The following GRIK1 variants were observed in gnomAD, a reference collection of about 807,000 sequenced individuals.
GRIK1 encodes glutamate receptor ionotropic, kainate 1.
In GRIK1, 69 loss-of-function variants were observed where a neutral mutation model predicts 105.7. The ratio of observed to expected loss-of-function variants is 0.65; its 90% confidence interval spans 0.54 to 0.80. The LOEUF (loss-of-function observed/expected upper bound fraction) is 0.80, where lower values mean the gene tolerates loss of function less well. Ranked by LOEUF, GRIK1 falls within the 30% of genes least tolerant of loss-of-function variation. The probability of loss-of-function intolerance (pLI) is 0.00; values close to 1 mark genes in which losing one functional copy is unlikely to be tolerated. For missense variants in GRIK1, 1,109 were observed against 1,167.3 expected (o/e 0.95, Z 0.73); for synonymous variants, 438 against 431.3 (o/e 1.02, Z -0.19).
intron 9 of GRIK1, 187 bp downstream of exon 9, chr21:29,596,339 C>A (rs1393719772): frequency 2.8e-6 from 2 of 713,836 alleles, no homozygotes; most frequent in Admixed American, 2.0e-5. Flanking sequence ...AACCTGTTTT[C>A]AATTCACAGG....
chr21:29,562,843 G>A (rs2090516109), intron 14 of GRIK1, among the ~76,000 whole-genome samples: 1 of 150,272 alleles, frequency 6.7e-6, no homozygotes, highest in Non-Finnish European at 1.5e-5. Context: ...TATATGTTAT[G>A]TAATATATGC....
intron 1 of GRIK1, among the ~76,000 whole-genome samples, chr21:29,907,538 G>C (rs1195575716): frequency 6.6e-6 from 1 of 152,058 alleles, no homozygotes; most frequent in Non-Finnish European, 1.5e-5. Context: ...ATATTGTAAA[G>C]AGAAATGATT....
chr21:29,855,548 C>T (rs2068437897), intron 1 of GRIK1, among the ~76,000 whole-genome samples: 1 of 152,168 alleles, frequency 6.6e-6, no homozygotes, highest in African/African-American at 2.4e-5. Flanking sequence ...TAGGCAGAAG[C>T]CAGGTGGGCC....
In GRIK1 at chr21:29,598,123, G is replaced by A. The variant is rs761403589; in HGVS notation, c.1206+707C>T. On this transcript the variant is annotated intron_variant, in intron 8 of 17. Transcript: ENST00000327783. Reference sequence around the variant, plus strand: ...TCAAACTGTAAGTGTTAATTCTGACGTATAGTCATGAATATTAAAATTGGC... The same window carrying A: ...TCAAACTGTAAGTGTTAATTCTGACATATAGTCATGAATATTAAAATTGGC... 5.3e-5 allele frequency among the ~76,000 whole-genome samples: 8 copies of A among 152,128 alleles called. No individual in the cohort carries two copies. In the East Asian group the frequency reaches 5.8e-4, roughly 11 times the overall value.
chr21:29,673,285 TAC>T, intron 3 of GRIK1, 121 bp from the exon 4 acceptor site: 1 of 591,982 alleles, frequency 1.7e-6, no homozygotes, highest in East Asian at 2.9e-5. Context: ...TCCTAAAGGT[TAC>T]ACTCCTGACT....
chr21:29,904,999 A>T (rs2070557785), intron 1 of GRIK1, among the ~76,000 whole-genome samples: 1 of 152,192 alleles, frequency 6.6e-6, no homozygotes, highest in South Asian at 2.1e-4. Context: ...TTATCAGGCC[A>T]CACGAGGTCC....
chr21:29,738,982 T>A (rs1331874357), intron 1 of GRIK1, among the ~76,000 whole-genome samples: 2 of 152,242 alleles, frequency 1.3e-5, no homozygotes, highest in Admixed American at 6.5e-5. Context: ...TATTTATGTA[T>A]GCATTCATTT....
intron 1 of GRIK1, among the ~76,000 whole-genome samples, chr21:29,740,406 T>C (rs935972402): frequency 2.6e-5 from 4 of 152,156 alleles, no homozygotes; most frequent in East Asian, 1.9e-4. Context: ...TTAGTGGAGA[T>C]GGGGTTTCAC....
intron 7 of GRIK1, among the ~76,000 whole-genome samples, chr21:29,618,856 G>A (rs546754527): frequency 1.3e-5 from 2 of 152,148 alleles, no homozygotes; most frequent in African/African-American, 4.8e-5. Context: ...GGCCGGGTGC[G>A]GTGGCTCACG....
At chr21:29,767,905 T>C (rs1385341092) in intron 1 of GRIK1, among the ~76,000 whole-genome samples, 2 of 146,178 alleles carry the variant, frequency 1.4e-5, no homozygotes, top group African/African-American at 2.5e-5. Context: ...TGTGTGTGTA[T>C]GTATTCCATG....
At chr21:29,871,760 ATT>A (rs35513177) in intron 1 of GRIK1, among the ~76,000 whole-genome samples, 27 of 121,152 alleles carry the variant, frequency 2.2e-4, no homozygotes, top group African/African-American at 6.2e-4. Context: ...AATCTTTTTA[ATT>A]TTTTTTTTTT....
chr21:29,770,168 T>C (rs2065779015), intron 1 of GRIK1, among the ~76,000 whole-genome samples: 1 of 152,218 alleles, frequency 6.6e-6, no homozygotes, highest in Admixed American at 6.5e-5. Flanking sequence ...CTGGAATGGC[T>C]AGACAACTCG....
At chr21:29,537,537 C>T (rs567340698) in intron 17 of GRIK1, 152 bp from the exon 18 acceptor site, 11 of 678,472 alleles carry the variant, frequency 1.6e-5, no homozygotes, top group African/African-American at 7.2e-5. Flanking sequence ...CTCCTCCACC[C>T]GCTGGCCACC....
At chr21:29,572,996 C>T (rs2090790273) in intron 14 of GRIK1, among the ~76,000 whole-genome samples, 1 of 152,154 alleles carries the variant, frequency 6.6e-6, no homozygotes, top group African/African-American at 2.4e-5. Flanking sequence ...TGGTCTTGAA[C>T]TCCTGACCTC....
Position 29,561,617 on chromosome 21 carries a change from G to T in GRIK1, c.2356+7C>A, listed in dbSNP as rs780985858. The stretch of plus-strand genomic sequence containing the variant: ...TCTCAGTCTTGGTTCATGTCTACCC[G>T]TCTTACCAATAGGTGTTCCCACTCC... On this transcript the variant is annotated splice_region_variant and intron_variant, in intron 15 of 17. Coordinates refer to ENST00000327783, the MANE Select transcript of GRIK1 (RefSeq NM_001330994.2). The T allele has an allele frequency of 6.4e-7, 1 of 1,562,070 alleles. No homozygotes were observed. The highest frequency in any genetic ancestry group is 8.8e-7 in the Non-Finnish European group (1 of 1,132,598).
intron 4 of GRIK1, among the ~76,000 whole-genome samples, chr21:29,672,404 T>C (rs1195939527): frequency 6.6e-6 from 1 of 152,192 alleles, no homozygotes; most frequent in South Asian, 2.1e-4. Context: ...ACATTACTCA[T>C]GTCTTCATTT....
Position 29,659,049 on chromosome 21 carries a change from TAGTC to T in GRIK1, c.727-4190_727-4187del, listed in dbSNP as rs1201778734. ...AAATTACGGGTCTTCCATTGGCAAT[TAGTC>T]AGGAGCACAGGGCATACATTTTTCA... On this transcript the variant is annotated intron_variant, in intron 4 of 17. Transcript: ENST00000327783. Among the ~76,000 whole-genome samples the T allele has an allele frequency of 3.3e-5, 5 of 152,330 alleles. No homozygotes were observed. In the East Asian group the frequency reaches 5.8e-4, roughly 18 times the overall value.
chr21:29,634,621 C>T lies in GRIK1; in HGVS notation c.1098+8205G>A, dbSNP rs577484646. Among the ~76,000 whole-genome samples, 8 of 116,170 alleles carry T rather than the reference C, an allele frequency of 6.9e-5. No homozygotes were observed. In the South Asian group the frequency reaches 1.2e-3, roughly 17 times the overall value. 76.2% of individuals were successfully genotyped at this position (116,170 alleles called of 152,430 possible). On this transcript the variant is annotated intron_variant, in intron 7 of 17. Transcript: ENST00000327783. ...CTTTCTGTCCCACAGAAAGATCTTA[C>T]GGTGCTGAGTGAAGCATGTTAAGTG...
At chr21:29,611,100 C>T (rs2051182) in intron 7 of GRIK1, among the ~76,000 whole-genome samples, 36,623 of 152,072 alleles carry the variant, frequency 0.24, 4,442 homozygotes, top group East Asian at 0.36. Flanking sequence ...AAAAGAACAA[C>T]GACTGTATTT....
Sources: allele counts gnomAD v4.1 joint callset (sites outside exome capture counted in the v4.1 genomes callset), GRCh38; gene constraint gnomAD v4.1.1; transcripts MANE v1.5; gene names NCBI Gene and HGNC (gene_info 2026-07-23, HGNC 2026-07-21).